SERGEF: variants seen among roughly 807,000 people sequenced by gnomAD.
SERGEF encodes secretion regulating guanine nucleotide exchange factor, also known as secretion-regulating guanine nucleotide exchange factor.
SERGEF carries 51 observed loss-of-function variants against 50.0 expected under a neutral mutation model. The observed-to-expected ratio is 1.02, with a 90% CI of 0.81 to 1.29. The LOEUF is 1.29. Ranked by LOEUF, SERGEF falls within the 50% of genes most tolerant of loss-of-function variation. SERGEF has a pLI of 0.00. For synonymous variants in SERGEF, 205 were observed against 212.4 expected, an observed-to-expected ratio of 0.97 and a Z score of 0.30; for missense variants, 521 against 557.0, an observed-to-expected ratio of 0.94 and a Z score of 0.65.
At chr11:17,993,460 G>A (rs938362222) in intron 6 of SERGEF, among the ~76,000 whole-genome samples, 4 of 152,110 alleles carry the variant, frequency 2.6e-5, no homozygotes. Context: ...CATACACTCA[G>A]CTGTTATCAA....
chr11:17,885,311 T>C (rs1358062429), intron 9 of SERGEF, among the ~76,000 whole-genome samples: 8 of 152,192 alleles, frequency 5.3e-5, no homozygotes, highest in African/African-American at 1.9e-4. Context: ...CTCACCATAA[T>C]ATCATGATCT....
At chr11:17,876,115 G>C (rs1442445253) in intron 10 of SERGEF, among the ~76,000 whole-genome samples, 2 of 152,196 alleles carry the variant, frequency 1.3e-5, no homozygotes, top group African/African-American at 2.4e-5. Flanking sequence ...CACCCACTGA[G>C]GGCCTCATTC....
chr11:17,933,369 C>G (rs1852390271), intron 9 of SERGEF, among the ~76,000 whole-genome samples: 1 of 152,054 alleles, frequency 6.6e-6, no homozygotes, highest in Admixed American at 6.6e-5. Flanking sequence ...TGATTAATGT[C>G]ATCTTGTGAC....
intron 10 of SERGEF, among the ~76,000 whole-genome samples, chr11:17,840,286 G>A (rs1421895194): frequency 6.6e-6 from 1 of 152,188 alleles, no homozygotes. Flanking sequence ...TGGTAATCGC[G>A]GTTCCAAATT....
intron 10 of SERGEF, among the ~76,000 whole-genome samples, chr11:17,800,022 A>G (rs1415020037): frequency 6.6e-6 from 1 of 152,116 alleles, no homozygotes; most frequent in Admixed American, 6.5e-5. Context: ...AAGGGAAGAG[A>G]GTCTTTCTCT....
chr11:17,913,687 C>T (rs1851995789), intron 9 of SERGEF, among the ~76,000 whole-genome samples: 2 of 152,144 alleles, frequency 1.3e-5, no homozygotes, highest in African/African-American at 2.4e-5. Context: ...CTAGAGAATG[C>T]CAGTGCAGAC....
chr11:17,803,128 T>C (rs1317052130), intron 10 of SERGEF, among the ~76,000 whole-genome samples: 1 of 152,260 alleles, frequency 6.6e-6, no homozygotes, highest in Non-Finnish European at 1.5e-5. Context: ...GCAACTGCTA[T>C]ATTGTGTGTG....
intron 10 of SERGEF, among the ~76,000 whole-genome samples, chr11:17,849,986 A>ATTCG (rs1167895642): frequency 6.6e-6 from 1 of 152,108 alleles, no homozygotes; most frequent in Non-Finnish European, 1.5e-5. Context: ...CAGGCTGGAT[A>ATTCG]ATTTATAAAG....
chr11:17,916,640 A>G (rs2133935160), intron 9 of SERGEF, among the ~76,000 whole-genome samples: 1 of 152,328 alleles, frequency 6.6e-6, no homozygotes, highest in South Asian at 2.1e-4. Flanking sequence ...GAAACTATAT[A>G]AAGGTGTTAG....
intron 8 of SERGEF, among the ~76,000 whole-genome samples, chr11:17,976,274 T>C (rs1853370396): frequency 6.6e-6 from 1 of 152,006 alleles, no homozygotes; most frequent in South Asian, 2.1e-4. Context: ...TTTAAGGTAC[T>C]GGTCTATGAT....
chr11:17,946,926 C>A (rs998227799), intron 9 of SERGEF, among the ~76,000 whole-genome samples: 2 of 152,148 alleles, frequency 1.3e-5, no homozygotes, highest in Non-Finnish European at 2.9e-5. Flanking sequence ...GAGATGGAGC[C>A]CCCAAGGCTT....
intron 9 of SERGEF, among the ~76,000 whole-genome samples, chr11:17,879,021 T>C (rs559732726): frequency 5.9e-5 from 9 of 152,338 alleles, no homozygotes; most frequent in African/African-American, 2.2e-4. Flanking sequence ...TGAGACTACA[T>C]CTATTTTGAG....
intron 2 of SERGEF, 106 bp from the exon 3 acceptor site, chr11:18,006,852 T>C: frequency 7.5e-7 from 1 of 1,328,250 alleles, no homozygotes; most frequent in South Asian, 1.2e-5. Context: ...CCAATAACTT[T>C]TTTTGCCATC....
chr11:17,986,311 C>T (rs939016553), intron 8 of SERGEF, among the ~76,000 whole-genome samples: 1 of 152,224 alleles, frequency 6.6e-6, no homozygotes, highest in African/African-American at 2.4e-5. Flanking sequence ...CGGAAACTCC[C>T]ATTTACCCAA....
intron 9 of SERGEF, among the ~76,000 whole-genome samples, chr11:17,937,597 T>C (rs1206363650): frequency 6.6e-6 from 1 of 152,132 alleles, no homozygotes; most frequent in African/African-American, 2.4e-5. Flanking sequence ...TGGTTTTCCC[T>C]AAGTTGTGAA....
chr11:17,878,637 C>T (rs537198286), intron 9 of SERGEF, among the ~76,000 whole-genome samples: 5 of 152,306 alleles, frequency 3.3e-5, no homozygotes, highest in East Asian at 1.9e-4. Flanking sequence ...CCATCCCTCT[C>T]GTATGGACTG....
chr11:17,984,721 A>G lies in SERGEF; in HGVS notation c.844+3876T>C, dbSNP rs552690700. On this transcript the variant is annotated intron_variant, in intron 8 of 10. Transcript: ENST00000265965. The stretch of plus-strand genomic sequence containing the variant: ...AGGTGGAGCTGCCCACAGTCACACA[A>G]TCAGTAGGTTAAGAGAGCTAAGATT... 5.3e-5 allele frequency among the ~76,000 whole-genome samples: 8 copies of G among 152,322 alleles called. 1 individual carries two copies. The East Asian group carries it at 9.6e-4, about 18-fold the overall frequency.
intron 9 of SERGEF, among the ~76,000 whole-genome samples, chr11:17,930,228 A>C (rs1428417810): frequency 1.3e-5 from 2 of 152,234 alleles, no homozygotes; most frequent in East Asian, 3.8e-4. Context: ...TGGGTAAAGT[A>C]ACTGGCACAA....
intron 10 of SERGEF, among the ~76,000 whole-genome samples, chr11:17,857,391 T>C (rs1850840957): frequency 6.6e-6 from 1 of 152,170 alleles, no homozygotes; most frequent in Non-Finnish European, 1.5e-5. Context: ...TCAGCTAAGA[T>C]TTTGCTTCTC....
Sources: allele counts gnomAD v4.1 joint callset (sites outside exome capture counted in the v4.1 genomes callset), GRCh38; gene constraint gnomAD v4.1.1; transcripts MANE v1.5; gene names NCBI Gene and HGNC (gene_info 2026-07-23, HGNC 2026-07-21).